EPB41L4A: variants seen among roughly 807,000 people sequenced by gnomAD.
The protein encoded by EPB41L4A is erythrocyte membrane protein band 4.1 like 4A.
Under a neutral mutation model 108.6 loss-of-function variants are expected in EPB41L4A, and 100 were observed. The observed-to-expected ratio is 0.92, with a 90% CI of 0.78 to 1.09. The LOEUF is 1.09. EPB41L4A is among the 50% of genes least tolerant of loss of function. The pLI is 0.00. For synonymous variants in EPB41L4A, 319 were observed against 289.0 expected (o/e 1.10, Z -1.05); for missense variants, 1,030 against 842.7 (o/e 1.22, Z -2.75).
intron 13 of EPB41L4A, among the ~76,000 whole-genome samples, chr5:112,207,216 C>A (rs1162552501): frequency 6.6e-6 from 1 of 152,132 alleles, no homozygotes; most frequent in Non-Finnish European, 1.5e-5. Context: ...GCTGGGATGG[C>A]CAGTCATATG....
intron 1 of EPB41L4A, among the ~76,000 whole-genome samples, chr5:112,347,482 C>G (rs1010655121): frequency 2.6e-5 from 4 of 152,158 alleles, no homozygotes. Flanking sequence ...TTTCACTCCC[C>G]CACAATTCCA....
intron 1 of EPB41L4A, among the ~76,000 whole-genome samples, chr5:112,351,797 T>C (rs760252728): frequency 6.6e-6 from 1 of 152,146 alleles, no homozygotes; most frequent in Non-Finnish European, 1.5e-5. Flanking sequence ...TAACATGTCA[T>C]GATCAACTGG....
chr5:112,159,169 CT>C (rs147930283), downstream of EPB41L4A, among the ~76,000 whole-genome samples: 1 of 150,204 alleles, frequency 6.7e-6, no homozygotes, highest in Admixed American at 6.6e-5. Flanking sequence ...CCTGAATTTT[CT>C]TTTTTTTTTA....
At chr5:112,152,497 G>T (rs188252038) in intron 12 of EPB41L4A, among the ~76,000 whole-genome samples, 25 of 152,274 alleles carry the variant, frequency 1.6e-4, no homozygotes, top group African/African-American at 5.8e-4. Context: ...CTTATAAAAA[G>T]GCTTGAGGGA....
intron 18 of EPB41L4A, among the ~76,000 whole-genome samples, chr5:112,179,061 G>T (rs4958002): frequency 0.75 from 114,284 of 151,398 alleles, 43,537 homozygotes; most frequent in East Asian, 1. Context: ...TAAAAGCACA[G>T]GGAGAATTAT....
At chr5:112,159,674 C>T (rs1013121618), downstream of EPB41L4A, among the ~76,000 whole-genome samples, 1 of 152,136 alleles carries the variant, frequency 6.6e-6, no homozygotes. Flanking sequence ...CACATCTGCT[C>T]GGAGTTCACT....
intron 1 of EPB41L4A, among the ~76,000 whole-genome samples, chr5:112,389,743 T>C (rs1760803847): frequency 6.6e-6 from 1 of 152,164 alleles, no homozygotes. Context: ...AATTCCAGAA[T>C]TGCAAATAAA....
chr5:112,256,333 CACTT>C, intron 9 of EPB41L4A, among the ~76,000 whole-genome samples: 1 of 152,230 alleles, frequency 6.6e-6, no homozygotes, highest in African/African-American at 2.4e-5. Flanking sequence ...ACTGCTATAA[CACTT>C]AGTACTCTTC....
chr5:112,401,828 C>T (rs1056086540), intron 1 of EPB41L4A, among the ~76,000 whole-genome samples: 2 of 152,176 alleles, frequency 1.3e-5, no homozygotes, highest in Admixed American at 6.5e-5. Context: ...TCAGCCTAAG[C>T]AATTTTTACT....
intron 1 of EPB41L4A, among the ~76,000 whole-genome samples, chr5:112,354,956 A>C (rs1199562996): frequency 6.6e-6 from 1 of 152,206 alleles, no homozygotes; most frequent in African/African-American, 2.4e-5. Flanking sequence ...GAAGTATTTT[A>C]TCTGATTTTT....
chr5:112,362,913 TA>T (rs1561609110), intron 1 of EPB41L4A, among the ~76,000 whole-genome samples: 1 of 88,550 alleles, frequency 1.1e-5, no homozygotes, highest in African/African-American at 3.7e-5. Context: ...ATTTGATTAT[TA>T]TTATTTTTTT....
chr5:112,244,961 T>C (rs1397582460), intron 9 of EPB41L4A, among the ~76,000 whole-genome samples: 2 of 152,142 alleles, frequency 1.3e-5, no homozygotes, highest in Non-Finnish European at 2.9e-5. Context: ...TGAAATACTA[T>C]TGCAAGAATT....
chr5:112,161,303 T>C (rs936250269), downstream of EPB41L4A: 2 of 352,342 alleles, frequency 5.7e-6, no homozygotes, highest in Admixed American at 7.6e-5. Flanking sequence ...CAGGTGAGTT[T>C]TCACGTTCGT....
intron 2 of EPB41L4A, among the ~76,000 whole-genome samples, chr5:112,306,516 G>A (rs955441438): frequency 8.5e-5 from 13 of 152,134 alleles, no homozygotes; most frequent in Admixed American, 4.6e-4. Context: ...GTTCTTCACT[G>A]AATGTACCAC....
At chr5:112,174,087 G>A (rs1451161592) in intron 18 of EPB41L4A, among the ~76,000 whole-genome samples, 8 of 152,128 alleles carry the variant, frequency 5.3e-5, no homozygotes, top group Non-Finnish European at 1.2e-4. Context: ...GTTCTGACGT[G>A]GCCAATAGTT....
At chr5:112,277,491 C>T (rs1367706834) in intron 3 of EPB41L4A, among the ~76,000 whole-genome samples, 2 of 152,118 alleles carry the variant, frequency 1.3e-5, no homozygotes, top group African/African-American at 4.8e-5. Context: ...CATTTGGTTA[C>T]ACTTCATAAT....
At chr5:112,177,671 G>A (rs1367898574) in intron 18 of EPB41L4A, among the ~76,000 whole-genome samples, 1 of 151,974 alleles carries the variant, frequency 6.6e-6, no homozygotes, top group Non-Finnish European at 1.5e-5. Context: ...TAAAATATAT[G>A]ACAATAGCAC....
chr5:112,360,512 T>C (rs1341465652), intron 1 of EPB41L4A, among the ~76,000 whole-genome samples: 1 of 152,160 alleles, frequency 6.6e-6, no homozygotes, highest in African/African-American at 2.4e-5. Context: ...TGACCGCGAG[T>C]GATCTGCCAG....
At chr5:112,361,484 C>G (rs1198660976) in intron 1 of EPB41L4A, among the ~76,000 whole-genome samples, 1 of 151,020 alleles carries the variant, frequency 6.6e-6, no homozygotes, top group East Asian at 1.9e-4. Flanking sequence ...TGCCAAATCC[C>G]CCTCTCCGAG....
Sources: allele counts gnomAD v4.1 joint callset (sites outside exome capture counted in the v4.1 genomes callset), GRCh38; gene constraint gnomAD v4.1.1; transcripts MANE v1.5; gene names NCBI Gene and HGNC (gene_info 2026-07-23, HGNC 2026-07-21).